Variants in VGLL4 observed in about 807,000 individuals in gnomAD.
VGLL4 encodes the protein transcription cofactor vestigial-like protein 4.
Under a neutral mutation model 21.0 loss-of-function variants are expected in VGLL4, and 7 were observed. The ratio of observed to expected loss-of-function variants is 0.33; its 90% CI spans 0.19 to 0.63. VGLL4 has a LOEUF of 0.63. Among genes scored for constraint, VGLL4 ranks in the 20% least tolerant of loss-of-function variants. The pLI, the probability that VGLL4 is intolerant of heterozygous loss-of-function variation, is 0.78. For missense variants in VGLL4, 394 were observed against 425.7 expected (o/e 0.93, Z 0.66); for synonymous variants, 222 against 173.2 (o/e 1.28, Z -2.21).
intron 1 of VGLL4, among the ~76,000 whole-genome samples, chr3:11,619,651 T>C (rs576535166): frequency 9.8e-5 from 15 of 152,286 alleles, no homozygotes; most frequent in South Asian, 4.1e-4. Flanking sequence ...AGAGCCACCA[T>C]AGGGCTGGGG....
chr3:11,695,445 A>C (rs746281059), intron 2 of VGLL4, among the ~76,000 whole-genome samples: 12 of 152,162 alleles, frequency 7.9e-5, no homozygotes, highest in African/African-American at 1.2e-4. Context: ...AATAATACCC[A>C]ACTATATATA....
Position 11,564,902 on chromosome 3 carries a change from G to GA in VGLL4, c.389dup (p.Ser132GlnfsTer81). The GA allele has an allele frequency of 6.2e-7, 1 of 1,607,350 alleles. No homozygotes were observed. Among genetic ancestry groups the GA allele is most frequent in the Non-Finnish European group, 8.5e-7 (1 of 1,177,552 alleles). On this transcript the variant is annotated frameshift_variant, in exon 3 of 5. Transcript: ENST00000430365. LOFTEE classifies it high-confidence loss of function. ...GGGGCTGCTCCAGGCCAAGGCTGGG[G>GA]AGGGAGGTGTACAGGTGGCTGCCGT...
intron 2 of VGLL4, among the ~76,000 whole-genome samples, chr3:11,674,034 A>G (rs946389542): frequency 3.2e-4 from 49 of 150,988 alleles, no homozygotes; most frequent in Non-Finnish European, 5.8e-4. Flanking sequence ...AAAAAAAAAA[A>G]AAAGAAATCA....
chr3:11,570,195 G>A (rs1351027992), intron 2 of VGLL4, among the ~76,000 whole-genome samples: 2 of 151,976 alleles, frequency 1.3e-5, no homozygotes, highest in Admixed American at 6.6e-5. Flanking sequence ...CACAGACACC[G>A]GCCCTGTGGC....
chr3:11,674,013 A>G (rs1364440866), intron 2 of VGLL4, among the ~76,000 whole-genome samples: 1 of 29,542 alleles, frequency 3.4e-5, no homozygotes, highest in Non-Finnish European at 6.6e-5. Context: ...CTTTGTCTCA[A>G]AAAAAAAAAA....
chr3:11,681,094 T>C (rs1030942297), intron 2 of VGLL4, among the ~76,000 whole-genome samples: 7 of 152,170 alleles, frequency 4.6e-5, no homozygotes, highest in African/African-American at 1.4e-4. Context: ...TATTTCTTTT[T>C]TTGTTTGTTT....
At chr3:11,671,676 C>G (rs1020343040) in intron 2 of VGLL4, among the ~76,000 whole-genome samples, 1 of 152,106 alleles carries the variant, frequency 6.6e-6, no homozygotes, top group Non-Finnish European at 1.5e-5. Context: ...CAGCAATATG[C>G]TTCCTAAAGG....
rs147236216 is a variant in VGLL4 at position 11,606,217 on chromosome 3, A to G, written c.83-4195T>C. ...CTACCACGGGTACAGTATGGGGGGA[A>G]ACCGCCCCCACGATTCAGTTATCTC... On this transcript the variant is annotated intron_variant, in intron 1 of 4. Coordinates refer to ENST00000430365, the MANE Select transcript of VGLL4 (RefSeq NM_001128219.3). Among the ~76,000 whole-genome samples, 699 of 152,308 alleles carry G rather than the reference A, an allele frequency of 4.6e-3. 2 individuals carry two copies. Among genetic ancestry groups the G allele is most frequent in the Non-Finnish European group, 6.7e-3 (457 of 68,016 alleles).
chr3:11,644,218 T>C (rs1223193225), upstream of VGLL4, among the ~76,000 whole-genome samples: 2 of 152,112 alleles, frequency 1.3e-5, no homozygotes, highest in Admixed American at 6.5e-5. Flanking sequence ...CAAACTCCCA[T>C]GGAATGCAAC....
chr3:11,675,711 T>C (rs767378442), intron 2 of VGLL4, among the ~76,000 whole-genome samples: 14 of 152,228 alleles, frequency 9.2e-5, no homozygotes, highest in Non-Finnish European at 1.5e-4. Context: ...TCTTTTTAGA[T>C]ACCTTTCTTA....
In VGLL4 at chr3:11,556,147, T is replaced by C. The variant is rs927809908; in HGVS notation, c.*2409A>G. ...AGATGGCCTGCCAAACCTTTTTTTT[T>C]CTTCTTCCAGGAAAAACAGGCCACA... is the stretch of plus-strand genomic sequence containing the variant. On this transcript the variant is annotated 3_prime_UTR_variant, in exon 5 of 5. Coordinates refer to ENST00000430365, the MANE Select transcript of VGLL4 (RefSeq NM_001128219.3). 1.3e-5 allele frequency: 2 copies of C among 152,698 alleles called. No individual in the cohort carries two copies. Among genetic ancestry groups the C allele is most frequent in the Admixed American group, 1.3e-4 (2 of 15,282 alleles). The allele number at this position is 152,698 out of a possible 1,614,324, so 9.5% of individuals were successfully genotyped here.
intron 2 of VGLL4, among the ~76,000 whole-genome samples, chr3:11,598,435 C>T (rs1194413379): frequency 6.6e-6 from 1 of 152,138 alleles, no homozygotes; most frequent in Non-Finnish European, 1.5e-5. Flanking sequence ...GTGCACCTTT[C>T]AGGCCTTGTT....
At position 11,571,453 on chromosome 3, in the gene VGLL4, G is replaced by A. The variant is rs985854091; in HGVS notation, c.273-6434C>T. Among the ~76,000 whole-genome samples, 4 of 152,112 alleles carry A rather than the reference G, an allele frequency of 2.6e-5. No individual in the cohort carries two copies. The South Asian group carries it at 6.2e-4, about 24-fold the overall frequency. On this transcript the variant is annotated intron_variant, in intron 2 of 4. Transcript: ENST00000430365. ...AATCCCAGCACTTTGGGAGGCCAACGTAGGTGGACTGCTTAGGCCCAGGAG... is the reference window on the plus strand; with the variant it reads ...AATCCCAGCACTTTGGGAGGCCAACATAGGTGGACTGCTTAGGCCCAGGAG...
intron 1 of VGLL4, among the ~76,000 whole-genome samples, chr3:11,718,050 ATCT>A (rs375891902): frequency 2.0e-5 from 3 of 152,374 alleles, no homozygotes; most frequent in Admixed American, 6.5e-5. Context: ...TAGCAGAATT[ATCT>A]TCTTAATTGT....
intron 2 of VGLL4, among the ~76,000 whole-genome samples, chr3:11,676,806 T>C (rs1316046873): frequency 6.6e-6 from 1 of 152,142 alleles, no homozygotes; most frequent in East Asian, 1.9e-4. Context: ...GCCTACTTAA[T>C]AAAAAGGGTA....
chr3:11,565,658 G>A lies in VGLL4; in HGVS notation c.273-639C>T, dbSNP rs1056478378. Among the ~76,000 whole-genome samples, 30 of 152,310 alleles carry A rather than the reference G, an allele frequency of 2.0e-4. No individual in the cohort carries two copies. Among genetic ancestry groups the A allele is most frequent in the South Asian group, 6.2e-4 (3 of 4,826 alleles). ...TAGGGAGCCGGCGCGCAGCTCTCTC[G>A]TCCAGGACACACGAGCAGGAGTGAC... On this transcript the variant is annotated intron_variant, in intron 2 of 4. Coordinates refer to ENST00000430365, the MANE Select transcript of VGLL4 (RefSeq NM_001128219.3). The surrounding 1 kb of genome is among the most constrained non-coding windows in gnomAD (Gnocchi z 4.1).
intron 2 of VGLL4, among the ~76,000 whole-genome samples, chr3:11,689,384 G>A (rs1407876258): frequency 2.0e-5 from 3 of 152,100 alleles, no homozygotes; most frequent in Non-Finnish European, 4.4e-5. Context: ...CTATCTTCCA[G>A]ACCGCTAATT....
intron 2 of VGLL4, among the ~76,000 whole-genome samples, chr3:11,659,586 G>A (rs984441401): frequency 6.6e-6 from 1 of 151,228 alleles, no homozygotes; most frequent in African/African-American, 2.4e-5. Flanking sequence ...CCCCCGGCTC[G>A]GCCTCCCAAA....
chr3:11,564,689 C>T, intron 3 of VGLL4, 108 bp downstream of exon 3: 2 of 1,349,912 alleles, frequency 1.5e-6, no homozygotes, highest in Middle Eastern at 2.5e-4. Flanking sequence ...TCCCTCACCA[C>T]CTCCCTCCCT....
Sources: gnomAD v4.1 joint callset for allele counts (sites outside exome capture counted in the v4.1 genomes callset) on GRCh38, gnomAD v4.1.1 for gene constraint, Gnocchi (gnomAD v3.1) non-coding constraint, MANE v1.5 for transcripts, NCBI Gene and HGNC (gene_info 2026-07-23, HGNC 2026-07-21) for gene names.